Variants in ENTREP2 observed in about 807,000 individuals in gnomAD.
ENTREP2 encodes the protein protein ENTREP2.
the ENTREP2 span, among the ~76,000 whole-genome samples, chr15:29,346,326 C>A: frequency 2.0e-5 from 3 of 152,296 alleles, no homozygotes; most frequent in Non-Finnish European, 2.9e-5. Flanking sequence ...CCGGGGACTG[C>A]TTGTTCTAAA....
chr15:29,222,487 C>T, the ENTREP2 span, among the ~76,000 whole-genome samples: 10 of 152,132 alleles, frequency 6.6e-5, no homozygotes, highest in Admixed American at 6.5e-4. Flanking sequence ...GCGCAAGATC[C>T]AATAGCCCTC....
At chr15:29,394,880 CT>C in the ENTREP2 span, among the ~76,000 whole-genome samples, 21 of 68,940 alleles carry the variant, frequency 3.0e-4, no homozygotes, top group African/African-American at 9.4e-4. Context: ...GTGTCAGAAT[CT>C]CTTTTTTTTT....
At chr15:29,406,235 C>A in the ENTREP2 span, among the ~76,000 whole-genome samples, 1 of 152,096 alleles carries the variant, frequency 6.6e-6, no homozygotes, top group East Asian at 1.9e-4. Flanking sequence ...GAATCACAAA[C>A]GTATGTGAAA....
the ENTREP2 span, among the ~76,000 whole-genome samples, chr15:29,458,211 G>C: frequency 6.6e-6 from 1 of 152,122 alleles, no homozygotes; most frequent in Non-Finnish European, 1.5e-5. Context: ...AGGAGAAAAT[G>C]AATGTCCCAA....
At chr15:29,155,099 G>A in the ENTREP2 span, among the ~76,000 whole-genome samples, 21,910 of 150,894 alleles carry the variant, frequency 0.15, 1,857 homozygotes, top group Middle Eastern at 0.2. Context: ...TGGCTAACAC[G>A]GTGAAACCCC....
At chr15:29,443,329 C>G in the ENTREP2 span, among the ~76,000 whole-genome samples, 3 of 152,298 alleles carry the variant, frequency 2.0e-5, no homozygotes, top group East Asian at 5.8e-4. Flanking sequence ...CCTACCAGAC[C>G]CTCCAAAGCC....
chr15:29,234,572 C>T, the ENTREP2 span: 1 of 1,455,748 alleles, frequency 6.9e-7, no homozygotes, highest in Non-Finnish European at 9.6e-7. Flanking sequence ...ACGTCGACAG[C>T]TAATTAAAAT....
the ENTREP2 span, among the ~76,000 whole-genome samples, chr15:29,345,428 G>A: frequency 1.3e-5 from 2 of 151,926 alleles, no homozygotes; most frequent in Admixed American, 6.6e-5. Context: ...GGGATGCTGG[G>A]CAAGCACACC....
chr15:29,584,134 G>A, the ENTREP2 span, among the ~76,000 whole-genome samples: 3 of 152,080 alleles, frequency 2.0e-5, no homozygotes, highest in African/African-American at 4.8e-5. Context: ...ATCATGTATC[G>A]CTTAAGGGTC....
the ENTREP2 span, among the ~76,000 whole-genome samples, chr15:29,161,914 C>T: frequency 9.2e-5 from 14 of 152,106 alleles, no homozygotes; most frequent in African/African-American, 2.7e-4. Context: ...CCAGCAACCC[C>T]GAGAGGACCG....
the ENTREP2 span, among the ~76,000 whole-genome samples, chr15:29,657,754 A>G: frequency 6.6e-6 from 1 of 152,230 alleles, no homozygotes; most frequent in Non-Finnish European, 1.5e-5. Context: ...GTAAGACAGA[A>G]AAGTTCCCCA....
chr15:29,156,583 A>C, the ENTREP2 span, among the ~76,000 whole-genome samples: 2 of 152,114 alleles, frequency 1.3e-5, no homozygotes, highest in Non-Finnish European at 2.9e-5. Flanking sequence ...TTGAAGTGAG[A>C]CTGGACACAG....
At chr15:29,585,498 G>A in the ENTREP2 span, among the ~76,000 whole-genome samples, 2 of 152,194 alleles carry the variant, frequency 1.3e-5, no homozygotes, top group East Asian at 1.9e-4. Context: ...AACTATGGAC[G>A]AGAGAAAGTG....
At chr15:29,567,001 T>C in the ENTREP2 span, among the ~76,000 whole-genome samples, 1 of 152,148 alleles carries the variant, frequency 6.6e-6, no homozygotes, top group African/African-American at 2.4e-5. Context: ...AATAACAAAC[T>C]ACTCTATTAA....
chr15:29,298,047 T>C, the ENTREP2 span, among the ~76,000 whole-genome samples: 1 of 152,148 alleles, frequency 6.6e-6, no homozygotes, highest in African/African-American at 2.4e-5. Flanking sequence ...TGTCAAAAGT[T>C]TGAAACAGAA....
the ENTREP2 span, among the ~76,000 whole-genome samples, chr15:29,425,486 C>T: frequency 6.6e-5 from 10 of 152,180 alleles, no homozygotes; most frequent in Non-Finnish European, 1.3e-4. Flanking sequence ...TTATTTTAAG[C>T]TATTTGTGTT....
chr15:29,268,850 AAGC>A, the ENTREP2 span: 10 of 1,614,004 alleles, frequency 6.2e-6, no homozygotes, highest in Non-Finnish European at 8.5e-6. Flanking sequence ...TCATCTGCCA[AAGC>A]CTCACAGTAC....
the ENTREP2 span, among the ~76,000 whole-genome samples, chr15:29,255,087 T>C: frequency 6.6e-6 from 1 of 152,164 alleles, no homozygotes; most frequent in East Asian, 1.9e-4. Flanking sequence ...GCTATCTGGC[T>C]TTCTGTATGA....
the ENTREP2 span, among the ~76,000 whole-genome samples, chr15:29,358,752 A>C: frequency 1.8e-4 from 28 of 152,286 alleles, no homozygotes; most frequent in Non-Finnish European, 3.2e-4. Context: ...AGAAAAAAAA[A>C]CCAGAATAAA....
Sources: gnomAD v4.1 joint callset for allele counts (sites outside exome capture counted in the v4.1 genomes callset) on GRCh38, gnomAD v4.1.1 for gene constraint, MANE v1.5 for transcripts, NCBI Gene and HGNC (gene_info 2026-07-23, HGNC 2026-07-21) for gene names.